EIF2AK1: variants seen among roughly 807,000 people sequenced by gnomAD.
The protein encoded by EIF2AK1 is eukaryotic translation initiation factor 2-alpha kinase 1.
EIF2AK1 carries 54 observed loss-of-function variants against 77.9 expected under a neutral mutation model. The observed-to-expected ratio is 0.69, with a 90% CI of 0.56 to 0.87. The LOEUF (loss-of-function observed/expected upper bound fraction) is 0.87. Among genes scored for constraint, EIF2AK1 ranks in the 40% least tolerant of loss-of-function variants. The pLI is 0.00. For missense variants in EIF2AK1, 810 were observed against 768.6 expected, an observed-to-expected ratio of 1.05 and a Z score of -0.64; for synonymous variants, 314 against 290.5, an observed-to-expected ratio of 1.08 and a Z score of -0.82.
chr7:6,043,233 A>C (rs997403184), intron 7 of EIF2AK1, among the ~76,000 whole-genome samples: 5 of 152,150 alleles, frequency 3.3e-5, no homozygotes, highest in South Asian at 2.1e-4. Flanking sequence ...TAAATATTTT[A>C]GGTTTTAGGG....
At chr7:6,056,628 A>ATATATATATATATATG (rs749747260) in intron 1 of EIF2AK1, among the ~76,000 whole-genome samples, 1,431 of 75,292 alleles carry the variant, frequency 0.019, 79 homozygotes, top group East Asian at 0.027. Context: ...ATATATATAT[A>ATATATATATATATATG]TATATATAAA....
intron 7 of EIF2AK1, among the ~76,000 whole-genome samples, chr7:6,043,891 G>C (rs1788367686): frequency 6.6e-6 from 1 of 151,778 alleles, no homozygotes; most frequent in African/African-American, 2.4e-5. Flanking sequence ...TTGAGGTCAG[G>C]AGTTCAAGAC....
chr7:6,035,873 C>T lies in EIF2AK1; in HGVS notation c.1332+1551G>A. 1 of 1,547,202 alleles carries T rather than the reference C, an allele frequency of 6.5e-7. No individual in the cohort carries two copies. The highest frequency in any genetic ancestry group is 8.7e-7 in the Non-Finnish European group (1 of 1,144,730). ...AGCTTGCAGTGTGCACTGCATCAAG[C>T]AAAGCAGGCCGACTCCTCGGGGCGG... is the stretch of plus-strand genomic sequence containing the variant. On this transcript the variant is annotated intron_variant, in intron 11 of 14. Coordinates refer to ENST00000199389, the MANE Select transcript of EIF2AK1 (RefSeq NM_014413.4). The surrounding 1 kb of genome is among the most constrained non-coding windows in gnomAD (Gnocchi z 5.5).
chr7:6,035,445 G>A lies in EIF2AK1; in HGVS notation c.1332+1979C>T. 5.8e-6 allele frequency: 9 copies of A among 1,548,940 alleles called. No individual in the cohort carries two copies. Among genetic ancestry groups the A allele is most frequent in the Non-Finnish European group, 7.0e-6 (8 of 1,145,614 alleles). The stretch of plus-strand genomic sequence containing the variant: ...ACGTGTAATCAATACCCATTCTAGG[G>A]ACACGACAGGCCTCACCACACTCAA... On this transcript the variant is annotated intron_variant, in intron 11 of 14. Coordinates refer to ENST00000199389, the MANE Select transcript of EIF2AK1 (RefSeq NM_014413.4). This position sits in a 1 kb window ranked among gnomAD's most constrained non-coding sequence, Gnocchi z 5.5.
Position 6,023,778 on chromosome 7 carries a change from CAG to C in EIF2AK1, c.*893_*894del, listed in dbSNP as rs779832748. The C allele has an allele frequency of 1.1e-5, 18 of 1,602,892 alleles. No individual in the cohort carries two copies. Among genetic ancestry groups the C allele is most frequent in the Middle Eastern group, 1.6e-4 (1 of 6,066 alleles). On this transcript the variant is annotated 3_prime_UTR_variant, in exon 15 of 15. Coordinates refer to ENST00000199389, the MANE Select transcript of EIF2AK1 (RefSeq NM_014413.4). Reference sequence around the variant, plus strand: ...TCAGTAAGGGGACTTGTATTAGAGTCAGAGTCTTTTTATTTAGGCCAGTTGTC... The same window carrying C: ...TCAGTAAGGGGACTTGTATTAGAGTCAGTCTTTTTATTTAGGCCAGTTGTC...
rs1162189012 is a variant in EIF2AK1, at chr7:6,023,934, C to A, written c.*739G>T. Reference sequence around the variant, plus strand: ...CCTTTCTGGGATTCAAAAACCAATTCATCAGATCGCTGCCTCTGAGGGATG... The same window carrying A: ...CCTTTCTGGGATTCAAAAACCAATTAATCAGATCGCTGCCTCTGAGGGATG... On this transcript the variant is annotated 3_prime_UTR_variant, in exon 15 of 15. Transcript: ENST00000199389. 1 of 1,446,522 alleles carries A rather than the reference C, an allele frequency of 6.9e-7. No homozygotes were observed. The allele number at this position is 1,446,522 out of a possible 1,614,324, so 89.6% of individuals were successfully genotyped here.
rs1787957412 is a variant in EIF2AK1 at position 6,032,886 on chromosome 7, G to A, written c.1333-3854C>T. 7 of 1,551,058 alleles carry A rather than the reference G, an allele frequency of 4.5e-6. No homozygotes were observed. Among genetic ancestry groups the A allele is most frequent in the Non-Finnish European group, 6.1e-6 (7 of 1,147,042 alleles). ...TCCATCTGGCTGCCAAGTACCACAA[G>A]GCCCAGAGTCTGCTCTGCCTGTTAC... On this transcript the variant is annotated intron_variant, in intron 11 of 14. Transcript: ENST00000199389. The surrounding 1 kb of genome is among the most constrained non-coding windows in gnomAD (Gnocchi z 4.3).
intron 2 of EIF2AK1, among the ~76,000 whole-genome samples, chr7:6,051,663 C>T (rs1489128178): frequency 1.3e-5 from 2 of 151,798 alleles, no homozygotes; most frequent in Non-Finnish European, 2.9e-5. Flanking sequence ...CACCTGACCT[C>T]GTGACCCGCC....
chr7:6,052,895 G>A (rs1032683882), intron 2 of EIF2AK1, among the ~76,000 whole-genome samples: 3 of 152,096 alleles, frequency 2.0e-5, no homozygotes, highest in African/African-American at 4.8e-5. Context: ...CCCGGGGGGC[G>A]GAGATTGCAG....
chr7:6,036,041 T>C lies in EIF2AK1; in HGVS notation c.1332+1383A>G, dbSNP rs1351147761. On this transcript the variant is annotated intron_variant, in intron 11 of 14. Transcript: ENST00000199389. This position sits in a 1 kb window ranked among gnomAD's most constrained non-coding sequence, Gnocchi z 4.6. ...TCCTGCTTGAATTTGAAGCAAATGT[T>C]AACATTTTAACAAGAAACGGGGAAT... The C allele has an allele frequency of 6.4e-6, 10 of 1,551,070 alleles. No individual in the cohort carries two copies. The highest frequency in any genetic ancestry group is 1.7e-4 in the Middle Eastern group (1 of 5,998).
rs1788083242 is a variant in EIF2AK1, at chr7:6,036,161, C to G, written c.1332+1263G>C. 2 of 1,549,970 alleles carry G rather than the reference C, an allele frequency of 1.3e-6. No homozygotes were observed. Among genetic ancestry groups the G allele is most frequent in the Non-Finnish European group, 1.7e-6 (2 of 1,146,586 alleles). ...ATCACACTTATCCTCTGAGAATGAC[C>G]AATAACCAAGGAATTCTACCTGCAG... On this transcript the variant is annotated intron_variant, in intron 11 of 14. Coordinates refer to ENST00000199389, the MANE Select transcript of EIF2AK1 (RefSeq NM_014413.4). The surrounding 1 kb of genome is among the most constrained non-coding windows in gnomAD (Gnocchi z 4.6).
At chr7:6,031,836 T>G (rs1787920996) in intron 11 of EIF2AK1, among the ~76,000 whole-genome samples, 1 of 152,122 alleles carries the variant, frequency 6.6e-6, no homozygotes, top group South Asian at 2.1e-4. Flanking sequence ...ATGTCATCTC[T>G]CAAACATACC....
rs776277941 is a variant in EIF2AK1 at position 6,031,521 on chromosome 7, G to A, written c.1333-2489C>T. ...TGCACTACGATCGAGGTACTCCTGA[G>A]AAATCACCCTGTCAACCAGCCCATC... On this transcript the variant is annotated intron_variant, in intron 11 of 14. Transcript: ENST00000199389. The A allele has an allele frequency of 1.9e-6, 3 of 1,550,706 alleles. No homozygotes were observed. In the South Asian group the frequency reaches 3.6e-5, roughly 18 times the overall value.
Position 6,035,486 on chromosome 7 carries a change from C to T in EIF2AK1, c.1332+1938G>A. ...CCACACTCAACTTAATGCTACTGCA[C>T]TGGCCAGTCACTTCCACCACGTGGG... On this transcript the variant is annotated intron_variant, in intron 11 of 14. Coordinates refer to ENST00000199389, the MANE Select transcript of EIF2AK1 (RefSeq NM_014413.4). The surrounding 1 kb of genome is among the most constrained non-coding windows in gnomAD (Gnocchi z 5.5). 6.4e-7 allele frequency: 1 copy of T among 1,550,980 alleles called. No homozygotes were observed. Among genetic ancestry groups the T allele is most frequent in the Non-Finnish European group, 8.7e-7 (1 of 1,147,086 alleles).
In EIF2AK1 at chr7:6,024,111, T is replaced by G; in HGVS notation, c.*562A>C. 7.7e-7 allele frequency: 1 copy of G among 1,297,190 alleles called. No homozygotes were observed. Among genetic ancestry groups the G allele is most frequent in the Non-Finnish European group, 1.0e-6 (1 of 994,504 alleles). The allele number at this position is 1,297,190 out of a possible 1,614,324, so 80.4% of individuals were successfully genotyped here. On this transcript the variant is annotated 3_prime_UTR_variant, in exon 15 of 15. Coordinates refer to ENST00000199389, the MANE Select transcript of EIF2AK1 (RefSeq NM_014413.4). Reference sequence around the variant, plus strand: ...CAAGGGTGTGGTTTTGGAATGACGCTAAACTGAAGGTGGAGAGAACAGATA... The same window carrying G: ...CAAGGGTGTGGTTTTGGAATGACGCGAAACTGAAGGTGGAGAGAACAGATA...
intron 6 of EIF2AK1, among the ~76,000 whole-genome samples, chr7:6,045,344 G>C (rs1198765997): frequency 6.6e-6 from 1 of 152,080 alleles, no homozygotes; most frequent in South Asian, 2.1e-4. Flanking sequence ...GGCCTCAAGT[G>C]ATCTGCCTGC....
chr7:6,059,087 C>T lies in EIF2AK1; in HGVS notation c.-4G>A. On this transcript the variant is annotated 5_prime_UTR_variant, in exon 1 of 15. Coordinates refer to ENST00000199389, the MANE Select transcript of EIF2AK1 (RefSeq NM_014413.4). Reference sequence around the variant, plus strand: ...CCCCGGAGTTGCCCCCCTGCATCGCCGGCCGCGCGCGGGCCGCAGCCCAGC... The same window carrying T: ...CCCCGGAGTTGCCCCCCTGCATCGCTGGCCGCGCGCGGGCCGCAGCCCAGC... The T allele has an allele frequency of 2.2e-6, 3 of 1,382,150 alleles. No homozygotes were observed. The highest frequency in any genetic ancestry group is 3.1e-5 in the East Asian group (1 of 32,638). 85.6% of individuals were successfully genotyped at this position (1,382,150 alleles called of 1,614,324 possible). A position where few individuals can be genotyped will look rare whatever the true frequency, so the allele number is the denominator to read the frequency against.
rs1338637102 is a variant in EIF2AK1, at chr7:6,028,624, A to G, written c.1521T>C (p.Tyr507=). Residue 507 remains tyrosine, a synonymous_variant, in exon 13 of 15, where the codon TAT becomes TAC. Transcript: ENST00000199389. ...AAGCAACAAATACTACCTTGGCATC[A>G]TACTCAGATCCTTCCAACTGTTCGG... is the stretch of plus-strand genomic sequence containing the variant. The part of the protein sequence containing the change: ...ASPEQLEGSE[Y]DAKSDMYSLG... 6.2e-7 allele frequency: 1 copy of G among 1,614,188 alleles called. No individual in the cohort carries two copies. Among genetic ancestry groups the G allele is most frequent in the Non-Finnish European group, 8.5e-7 (1 of 1,179,986 alleles).
At chr7:6,043,499 G>A (rs1348351185) in intron 7 of EIF2AK1, among the ~76,000 whole-genome samples, 1 of 152,016 alleles carries the variant, frequency 6.6e-6, no homozygotes, top group African/African-American at 2.4e-5. Context: ...CACGATCTTG[G>A]CTCACTGCAA....
Sources: gnomAD v4.1 joint callset for allele counts (sites outside exome capture counted in the v4.1 genomes callset) on GRCh38, gnomAD v4.1.1 for gene constraint, Gnocchi (gnomAD v3.1) non-coding constraint, MANE v1.5 for transcripts, NCBI Gene and HGNC (gene_info 2026-07-23, HGNC 2026-07-21) for gene names.